Variants in RBFOX3 observed in about 807,000 individuals in gnomAD.
The protein encoded by RBFOX3 is RNA binding protein fox-1 homolog 3.
Under a neutral mutation model 48.7 loss-of-function variants are expected in RBFOX3, and 17 were observed. That is an observed-to-expected ratio of 0.35 (90% CI 0.24 to 0.52). The LOEUF (loss-of-function observed/expected upper bound fraction) is 0.52. RBFOX3 is among the 20% of genes least tolerant of loss of function. RBFOX3 has a pLI of 0.94. For missense variants in RBFOX3, 382 were observed against 497.5 expected, an observed-to-expected ratio of 0.77 and a Z score of 2.21; for synonymous variants, 212 against 209.5, an observed-to-expected ratio of 1.01 and a Z score of -0.10.
At chr17:79,101,281 C>T (rs1568128259) in intron 9 of RBFOX3, among the ~76,000 whole-genome samples, 1 of 152,192 alleles carries the variant, frequency 6.6e-6, no homozygotes, top group Non-Finnish European at 1.5e-5. Flanking sequence ...GCACAGCTAT[C>T]CCCCTGGATC....
intron 2 of RBFOX3, among the ~76,000 whole-genome samples, chr17:79,475,233 G>T (rs1183808619): frequency 2.0e-5 from 3 of 152,176 alleles, no homozygotes; most frequent in African/African-American, 7.2e-5. Context: ...ACGGCCTTCT[G>T]ACCTGGGGTC....
At position 79,442,157 on chromosome 17, in the gene RBFOX3, C is replaced by T. The variant is rs576559484; in HGVS notation, c.-175+40297G>A. On this transcript the variant is annotated intron_variant, in intron 2 of 14. Transcript: ENST00000693108. ...GCCTGGGAGGGAGGGGAACCCCATTCGGCCTCCAACCACAGCTGCTGGGGA... is the reference window on the plus strand; with the variant it reads ...GCCTGGGAGGGAGGGGAACCCCATTTGGCCTCCAACCACAGCTGCTGGGGA... 1.2e-4 allele frequency among the ~76,000 whole-genome samples: 18 copies of T among 149,014 alleles called. 1 individual carries two copies. Among genetic ancestry groups the T allele is most frequent in the Admixed American group, 6.0e-4 (9 of 14,892 alleles).
intron 4 of RBFOX3, among the ~76,000 whole-genome samples, chr17:79,183,045 C>T (rs1359274825): frequency 8.7e-5 from 13 of 149,926 alleles, no homozygotes; most frequent in Non-Finnish European, 1.6e-4. Flanking sequence ...CTCCGGCCCC[C>T]CCGCCTCGCG....
intron 1 of RBFOX3, among the ~76,000 whole-genome samples, chr17:79,563,529 C>G (rs1037637577): frequency 1.1e-4 from 16 of 152,248 alleles, no homozygotes; most frequent in African/African-American, 2.4e-4. Context: ...TCACCACAAC[C>G]TTCCCAGCAT....
At position 79,386,410 on chromosome 17, in the gene RBFOX3, A is replaced by G. The variant is rs187385487; in HGVS notation, c.-174-78586T>C. ...CACCTCCTGTAAAAGGTGGGGCTCC[A>G]TCACTACTTTACACATAGGGAAACT... On this transcript the variant is annotated intron_variant, in intron 2 of 14. Coordinates refer to ENST00000693108, the MANE Select transcript of RBFOX3 (RefSeq NM_001350451.2). Among the ~76,000 whole-genome samples the G allele has an allele frequency of 1.5e-3, 225 of 152,364 alleles. 3 individuals carry two copies. The highest frequency in any genetic ancestry group is 5.1e-3 in the African/African-American group (211 of 41,590).
chr17:79,541,286 T>C (rs1204290151), intron 1 of RBFOX3, among the ~76,000 whole-genome samples: 1 of 152,124 alleles, frequency 6.6e-6, no homozygotes, highest in African/African-American at 2.4e-5. Flanking sequence ...TATGTGCCCA[T>C]GAGCAAGCCT....
chr17:79,548,278 C>A (rs1599120067), intron 1 of RBFOX3, among the ~76,000 whole-genome samples: 1 of 152,200 alleles, frequency 6.6e-6, no homozygotes, highest in Non-Finnish European at 1.5e-5. Context: ...GCCACCAGAG[C>A]ACTGGGGTCT....
the RBFOX3 span, among the ~76,000 whole-genome samples, chr17:79,628,551 G>C: frequency 6.6e-6 from 1 of 152,138 alleles, no homozygotes; most frequent in Admixed American, 6.6e-5. Context: ...CCTTTTAATT[G>C]AGGCGAAATT....
intron 2 of RBFOX3, among the ~76,000 whole-genome samples, chr17:79,403,120 A>AAC: frequency 6.6e-6 from 1 of 152,090 alleles, no homozygotes; most frequent in Non-Finnish European, 1.5e-5. Flanking sequence ...GGGAAGGAGG[A>AAC]AGACTTGGCT....
At chr17:79,651,028 G>A in the RBFOX3 span, among the ~76,000 whole-genome samples, 1 of 152,232 alleles carries the variant, frequency 6.6e-6, no homozygotes, top group Non-Finnish European at 1.5e-5. Context: ...ATCCAGGCAG[G>A]GGATTCCAGG....
intron 1 of RBFOX3, chr17:79,598,091 T>A (rs989704055): frequency 2.6e-5 from 4 of 152,206 alleles, no homozygotes; most frequent in African/African-American, 9.6e-5. Flanking sequence ...CATCCCTCAC[T>A]AGCAATTCTC....
chr17:79,658,786 T>C, the RBFOX3 span, among the ~76,000 whole-genome samples: 5 of 152,110 alleles, frequency 3.3e-5, no homozygotes, highest in African/African-American at 1.2e-4. Context: ...CACGTGCTCA[T>C]TCATCGGCCC....
intron 2 of RBFOX3, among the ~76,000 whole-genome samples, chr17:79,427,772 C>T (rs112132009): frequency 8.5e-5 from 13 of 152,266 alleles, no homozygotes; most frequent in African/African-American, 2.4e-4. Flanking sequence ...CACCTGCACA[C>T]GCACAGATGC....
At chr17:79,194,850 A>C (rs1245872050) in intron 4 of RBFOX3, among the ~76,000 whole-genome samples, 1 of 152,018 alleles carries the variant, frequency 6.6e-6, no homozygotes, top group Non-Finnish European at 1.5e-5. Flanking sequence ...TCTAGATTAC[A>C]TGTCAAAATG....
intron 5 of RBFOX3, 83 bp downstream of exon 5, chr17:79,115,411 T>A: frequency 1.1e-6 from 1 of 892,722 alleles, no homozygotes. Context: ...GTACACCTCA[T>A]GCCCTTCTGG....
intron 1 of RBFOX3, among the ~76,000 whole-genome samples, chr17:79,507,485 G>A (rs978282939): frequency 3.9e-5 from 6 of 152,106 alleles, no homozygotes; most frequent in African/African-American, 1.4e-4. Context: ...GTGGGTTCTC[G>A]TCAACTCCAT....
chr17:79,610,252 C>T (rs1448338782), intron 1 of RBFOX3, among the ~76,000 whole-genome samples: 1 of 152,070 alleles, frequency 6.6e-6, no homozygotes, highest in African/African-American at 2.4e-5. Flanking sequence ...TTTCAGAGGA[C>T]CCCGGCAGGG....
intron 4 of RBFOX3, among the ~76,000 whole-genome samples, chr17:79,162,042 G>GC (rs1458103180): frequency 1.3e-5 from 2 of 152,132 alleles, no homozygotes; most frequent in Non-Finnish European, 2.9e-5. Flanking sequence ...ACAGACTTCT[G>GC]CCCCCAGCTG....
chr17:79,089,580 A>G lies in RBFOX3; in HGVS notation c.*1303T>C, dbSNP rs1174306758. The G allele has an allele frequency of 6.6e-6, 1 of 152,624 alleles. No individual in the cohort carries two copies. The highest frequency in any genetic ancestry group is 2.4e-5 in the African/African-American group (1 of 41,460). The allele number at this position is 152,624 out of a possible 1,614,324, so 9.5% of individuals were successfully genotyped here. On this transcript the variant is annotated 3_prime_UTR_variant, in exon 15 of 15. Coordinates refer to ENST00000693108, the MANE Select transcript of RBFOX3 (RefSeq NM_001350451.2). ...CCGGAGGCAGGGCGTGGGGCTATGT[A>G]CAACGGGAATAGAAAAGGAGAATTC... is the stretch of plus-strand genomic sequence containing the variant.
Sources: allele counts gnomAD v4.1 joint callset (sites outside exome capture counted in the v4.1 genomes callset), GRCh38; gene constraint gnomAD v4.1.1; transcripts MANE v1.5; gene names NCBI Gene and HGNC (gene_info 2026-07-23, HGNC 2026-07-21).